Variants in THAP9 observed in about 807,000 individuals in gnomAD.
THAP9 encodes THAP domain containing 9.
A neutral mutation model predicts 35.7 loss-of-function variants in THAP9; 20 were observed. The observed-to-expected ratio is 0.56, with a 90% confidence interval of 0.39 to 0.81. The LOEUF is 0.81. Among genes scored for constraint, THAP9 ranks in the 40% least tolerant of loss-of-function variants. The probability of loss-of-function intolerance (pLI) is 0.00; values close to 1 mark genes in which losing one functional copy is unlikely to be tolerated. For missense variants in THAP9, 870 were observed against 1,047.4 expected (o/e 0.83, Z 2.34); for synonymous variants, 335 against 373.7 (o/e 0.90, Z 1.19).
In THAP9 at chr4:82,900,748, T is replaced by G; in HGVS notation, c.-55T>G. ...GAGTCAACGGGCGGAGCTAAAGTGG[T>G]CGTGATTCATGCTGTCGCGGGAACC... On this transcript the variant is annotated 5_prime_UTR_variant, in exon 1 of 5. Coordinates refer to ENST00000302236, the MANE Select transcript of THAP9 (RefSeq NM_024672.6). 1 of 1,592,214 alleles carries G rather than the reference T, an allele frequency of 6.3e-7. No individual in the cohort carries two copies.
intron 4 of THAP9, among the ~76,000 whole-genome samples, chr4:82,911,818 A>C (rs1288915081): frequency 6.6e-6 from 1 of 152,246 alleles, no homozygotes; most frequent in Non-Finnish European, 1.5e-5. Flanking sequence ...AAATGTGACC[A>C]GTCACCTACC....
chr4:82,916,029 A>C (rs1578455891), intron 4 of THAP9, among the ~76,000 whole-genome samples: 1 of 152,204 alleles, frequency 6.6e-6, no homozygotes, highest in African/African-American at 2.4e-5. Flanking sequence ...AAGAACATTA[A>C]ACTCTCAATT....
chr4:82,912,830 G>C (rs150267093), intron 4 of THAP9, among the ~76,000 whole-genome samples: 1 of 152,126 alleles, frequency 6.6e-6, no homozygotes, highest in East Asian at 1.9e-4. Context: ...GATGTCCTTC[G>C]ATTTGAGTTG....
At position 82,917,924 on chromosome 4, in the gene THAP9, A is replaced by G; in HGVS notation, c.1712A>G (p.Lys571Arg). The G allele has an allele frequency of 6.2e-7, 1 of 1,613,994 alleles. No homozygotes were observed. Among genetic ancestry groups the G allele is most frequent in the Non-Finnish European group, 8.5e-7 (1 of 1,179,970 alleles). Residue 571 changes from lysine to arginine, a missense_variant, in exon 5 of 5, where the codon AAA becomes AGA. Lys to Arg is a conservative substitution (Grantham distance 26). Coordinates refer to ENST00000302236, the MANE Select transcript of THAP9 (RefSeq NM_024672.6). ...AATCAAATAATTAAAGGTAAGCAAA[A>G]ACTAGGATTCCTGGGATTTTTGCTC... ...SNNQIIKGKQ[K>R]LGFLGFLLNA...
Position 82,917,791 on chromosome 4 carries a change from T to G in THAP9, c.1579T>G (p.Tyr527Asp). ...LFDIFNSRNCYGKGLKGPLLP... is the reference protein window; with the variant it reads ...LFDIFNSRNCDGKGLKGPLLP... ...TGACATCTTTAATAGTAGGAACTGT[T>G]ATGGAAAGGGACTTAAAGGGCCTCT... Residue 527 changes from tyrosine (Y) to aspartate (D), a missense_variant, in exon 5 of 5, where the codon TAT becomes GAT. By Grantham distance (160) the Tyr-to-Asp change is radical (BLOSUM62 -3). This residue lies in a region of THAP9 where 414 missense variants were observed against 500.8 expected (regional missense o/e 0.83). Coordinates refer to ENST00000302236, the MANE Select transcript of THAP9 (RefSeq NM_024672.6). 2.5e-6 allele frequency: 4 copies of G among 1,613,996 alleles called. No homozygotes were observed. The highest frequency in any genetic ancestry group is 3.4e-6 in the Non-Finnish European group (4 of 1,179,966).
rs144510738 is a variant in THAP9, at chr4:82,904,517, G to T, written c.81-219G>T. 6.2e-4 allele frequency among the ~76,000 whole-genome samples: 94 copies of T among 152,276 alleles called. 1 individual carries two copies. In the East Asian group the frequency reaches 0.018, roughly 29 times the overall value. ...TAGTAGGATTTTTAATATGGGAATTGCCCCTCTATGATTGACAAAGAAAAA... is the reference window on the plus strand; with the variant it reads ...TAGTAGGATTTTTAATATGGGAATTTCCCCTCTATGATTGACAAAGAAAAA... On this transcript the variant is annotated intron_variant, in intron 1 of 4. Transcript: ENST00000302236.
chr4:82,910,842 A>G, intron 4 of THAP9: 1 of 326,500 alleles, frequency 3.1e-6, no homozygotes, highest in East Asian at 8.5e-5. Context: ...TGACCATTGG[A>G]TTTTGCAAGA....
At chr4:82,901,141 T>C (rs572780492) in intron 1 of THAP9, 13 of 679,542 alleles carry the variant, frequency 1.9e-5, no homozygotes, top group South Asian at 1.2e-4. Context: ...GCGAAAGGAG[T>C]CCTCCATTAA....
intron 3 of THAP9, among the ~76,000 whole-genome samples, chr4:82,907,486 C>T (rs1720692930): frequency 6.6e-6 from 1 of 152,020 alleles, no homozygotes; most frequent in South Asian, 2.1e-4. Flanking sequence ...AAATAAATGT[C>T]CTCATTTTAT....
At position 82,917,132 on chromosome 4, in the gene THAP9, T is replaced by G. The variant is rs147886071; in HGVS notation, c.920T>G (p.Leu307Arg). 1.2e-6 allele frequency: 2 copies of G among 1,613,188 alleles called. No individual in the cohort carries two copies. Among genetic ancestry groups the G allele is most frequent in the African/African-American group, 2.7e-5 (2 of 74,906 alleles). Residue 307 changes from leucine to arginine, a missense_variant, in exon 5 of 5, where the codon CTT becomes CGT. Physicochemically the swap from Leu to Arg is moderately radical, Grantham distance 102 (BLOSUM62 -2). Coordinates refer to ENST00000302236, the MANE Select transcript of THAP9 (RefSeq NM_024672.6). ...TTGCAGGGGTTTATGGACTTTGGTC[T>G]TGGAAAACTTGATGCTGATGAAACG... is the stretch of plus-strand genomic sequence containing the variant. ...HSLQGFMDFG[L>R]GKLDADETPL... is the part of the protein sequence containing the mutation.
intron 1 of THAP9, among the ~76,000 whole-genome samples, chr4:82,904,057 CCTTT>C (rs1202718771): frequency 9.3e-5 from 12 of 128,570 alleles, no homozygotes; most frequent in Middle Eastern, 4.0e-3. Context: ...TTAGGCTCCC[CCTTT>C]TTTTTTTTTT....
At chr4:82,904,225 G>A (rs967855469) in intron 1 of THAP9, among the ~76,000 whole-genome samples, 1 of 151,664 alleles carries the variant, frequency 6.6e-6, no homozygotes, top group African/African-American at 2.4e-5. Context: ...CACCACGTCC[G>A]GCTAATTTTT....
chr4:82,910,828 G>A, intron 4 of THAP9: 1 of 398,554 alleles, frequency 2.5e-6, no homozygotes. Flanking sequence ...TGAGGACAGA[G>A]AATTGACCAT....
chr4:82,913,083 A>AT (rs1720920581), intron 4 of THAP9: 1 of 152,150 alleles, frequency 6.6e-6, no homozygotes, highest in Non-Finnish European at 1.5e-5. Flanking sequence ...TTTTATGATC[A>AT]TAAGAAAATT....
At chr4:82,905,375 G>C (rs1302009821) in intron 2 of THAP9, among the ~76,000 whole-genome samples, 2 of 152,184 alleles carry the variant, frequency 1.3e-5, no homozygotes, top group Non-Finnish European at 2.9e-5. Context: ...CTATGAGTGA[G>C]TCACCAGTAT....
At chr4:82,901,181 G>A (rs982146) in intron 1 of THAP9, 181,720 of 620,680 alleles carry the variant, frequency 0.29, 31,078 homozygotes, top group African/African-American at 0.59. Context: ...GAAGTGAGGA[G>A]GCCGAAAGGG....
chr4:82,911,168 T>C (rs1720852181), intron 4 of THAP9, among the ~76,000 whole-genome samples: 1 of 152,190 alleles, frequency 6.6e-6, no homozygotes, highest in African/African-American at 2.4e-5. Flanking sequence ...CATCCAACAC[T>C]ACTGTGGAAG....
At chr4:82,909,471 T>C (rs951806750) in intron 4 of THAP9, among the ~76,000 whole-genome samples, 7 of 152,108 alleles carry the variant, frequency 4.6e-5, no homozygotes, top group African/African-American at 1.7e-4. Flanking sequence ...TACATAGTTA[T>C]GATCTTTTGT....
Position 82,917,147 on chromosome 4 carries a change from C to A in THAP9, c.935C>A (p.Ala312Asp). ...GACTTTGGTCTTGGAAAACTTGATG[C>A]TGATGAAACGCCACTTGCTTCAGAA... ...FMDFGLGKLD[A>D]DETPLASETV... The change falls in exon 5 of 5, where the codon GCT becomes GAT. Residue 312 changes from alanine (A) to aspartate (D), a missense_variant. By Grantham distance (126) the Ala-to-Asp change is moderately radical. Coordinates refer to ENST00000302236, the MANE Select transcript of THAP9 (RefSeq NM_024672.6). 1 of 1,613,130 alleles carries A rather than the reference C, an allele frequency of 6.2e-7. No homozygotes were observed. Among genetic ancestry groups the A allele is most frequent in the Non-Finnish European group, 8.5e-7 (1 of 1,179,504 alleles).
Sources: allele counts gnomAD v4.1 joint callset (sites outside exome capture counted in the v4.1 genomes callset), GRCh38; gene constraint gnomAD v4.1.1; regional missense constraint gnomAD v4.1.1; transcripts MANE v1.5; gene names NCBI Gene and HGNC (gene_info 2026-07-23, HGNC 2026-07-21).